USH2A: variants seen among roughly 807,000 people sequenced by gnomAD.
USH2A encodes the protein Usher syndrome 2A (autosomal recessive, mild).
In USH2A, 443 loss-of-function variants were observed where a neutral mutation model predicts 538.9. The observed-to-expected ratio is 0.82, with a 90% CI of 0.76 to 0.89. USH2A has a LOEUF of 0.89. Among genes scored for constraint, USH2A ranks in the 40% least tolerant of loss-of-function variants. USH2A has a pLI of 0.00. For missense variants in USH2A, 6,633 were observed against 6,324.8 expected, an observed-to-expected ratio of 1.05 and a Z score of -1.65; for synonymous variants, 2,413 against 2,273.5, an observed-to-expected ratio of 1.06 and a Z score of -1.75.
At chr1:216,023,479 A>AAAAAAAAAAAAAAAAAAAAAAAAAAAAAC (rs1668891922) in intron 32 of USH2A, among the ~76,000 whole-genome samples, 1 of 148,210 alleles carries the variant, frequency 6.7e-6, no homozygotes, top group Non-Finnish European at 1.5e-5. Context: ...AAAAAAAAAA[A>AAAAAAAAAAAAAAAAAAAAAAAAAAAAAC]AAATCAAAAA....
intron 22 of USH2A, among the ~76,000 whole-genome samples, chr1:216,092,627 T>C (rs2102568578): frequency 6.6e-6 from 1 of 152,326 alleles, no homozygotes; most frequent in East Asian, 1.9e-4. Context: ...TGAGTGGGGC[T>C]TTCATTATAA....
intron 30 of USH2A, among the ~76,000 whole-genome samples, chr1:216,067,416 TAAAA>T (rs1184616284): frequency 7.5e-6 from 1 of 132,920 alleles, no homozygotes; most frequent in Non-Finnish European, 1.6e-5. Context: ...AAAGTATAAT[TAAAA>T]AAAAAAGAAA....
chr1:215,770,994 G>T (rs920975735), intron 55 of USH2A, among the ~76,000 whole-genome samples: 8 of 150,730 alleles, frequency 5.3e-5, no homozygotes, highest in Non-Finnish European at 1.0e-4. Flanking sequence ...AGGCGTGGTG[G>T]TGCATGCCTG....
chr1:216,135,179 T>TACAC (rs71161405), intron 21 of USH2A, among the ~76,000 whole-genome samples: 32 of 135,428 alleles, frequency 2.4e-4, no homozygotes, highest in Non-Finnish European at 2.0e-4. Context: ...CACACACACA[T>TACAC]ACACACACAC....
intron 21 of USH2A, among the ~76,000 whole-genome samples, chr1:216,161,626 C>T (rs1389692907): frequency 6.6e-6 from 1 of 152,006 alleles, no homozygotes; most frequent in Non-Finnish European, 1.5e-5. Context: ...GCACTCTTTC[C>T]TGCAGCTCTG....
intron 15 of USH2A, among the ~76,000 whole-genome samples, chr1:216,215,001 T>C (rs2035315668): frequency 6.6e-6 from 1 of 152,050 alleles, no homozygotes; most frequent in South Asian, 2.1e-4. Flanking sequence ...AGAATGACTA[T>C]CATTTTGAAA....
chr1:215,862,934 T>G (rs1664358027), intron 44 of USH2A, among the ~76,000 whole-genome samples: 1 of 152,172 alleles, frequency 6.6e-6, no homozygotes, highest in African/African-American at 2.4e-5. Flanking sequence ...CATACAATGT[T>G]GGCGGTTGTC....
chr1:216,218,320 C>T (rs2035385473), intron 14 of USH2A, among the ~76,000 whole-genome samples: 1 of 152,034 alleles, frequency 6.6e-6, no homozygotes, highest in Non-Finnish European at 1.5e-5. Context: ...CTTGTTTCTT[C>T]ACAGTGAATT....
intron 32 of USH2A, among the ~76,000 whole-genome samples, chr1:216,004,966 T>A (rs993644304): frequency 2.6e-5 from 4 of 152,154 alleles, no homozygotes; most frequent in African/African-American, 7.2e-5. Flanking sequence ...ACTACTTCAA[T>A]TTTCCCAATG....
At position 216,125,096 on chromosome 1, in the gene USH2A, G is replaced by A. The variant is rs534993011; in HGVS notation, c.4628-27883C>T. ...TATATAGAACTAACAATTTTTATAC[G>A]GTCTTGAATGAGAATTACATTTTTA... On this transcript the variant is annotated intron_variant, in intron 21 of 71. Coordinates refer to ENST00000307340, the MANE Select transcript of USH2A (RefSeq NM_206933.4). Among the ~76,000 whole-genome samples the A allele has an allele frequency of 2.6e-5, 4 of 151,982 alleles. 1 individual carries two copies. The South Asian group carries it at 6.2e-4, about 24-fold the overall frequency.
chr1:215,779,782 GC>G lies in USH2A; in HGVS notation c.10939+60del, dbSNP rs945638218. 15 of 1,591,942 alleles carry G rather than the reference GC, an allele frequency of 9.4e-6. No homozygotes were observed. In the African/African-American group the frequency reaches 1.2e-4, roughly 13 times the overall value. ...CAAACACACACCCCTGGGATGCTTTGCCCCCCTAACCACAATGACAGACTCC... is the reference window on the plus strand; with the variant it reads ...CAAACACACACCCCTGGGATGCTTTGCCCCCTAACCACAATGACAGACTCC... On this transcript the variant is annotated intron_variant, in intron 55 of 71. Coordinates refer to ENST00000307340, the MANE Select transcript of USH2A (RefSeq NM_206933.4).
chr1:216,158,282 C>T (rs2033988962), intron 21 of USH2A, among the ~76,000 whole-genome samples: 1 of 152,084 alleles, frequency 6.6e-6, no homozygotes, highest in South Asian at 2.1e-4. Context: ...GTCACCCAGG[C>T]TGGAGTGCAG....
intron 32 of USH2A, among the ~76,000 whole-genome samples, chr1:216,019,142 A>G (rs1668786379): frequency 6.6e-6 from 1 of 152,256 alleles, no homozygotes; most frequent in Non-Finnish European, 1.5e-5. Flanking sequence ...AAGAATATAC[A>G]ATACTTCAAA....
intron 61 of USH2A, among the ~76,000 whole-genome samples, chr1:215,714,097 T>C (rs574610792): frequency 1.3e-5 from 2 of 152,328 alleles, no homozygotes; most frequent in South Asian, 2.1e-4. Flanking sequence ...TAAATTGAAA[T>C]TGGAACATAT....
intron 15 of USH2A, among the ~76,000 whole-genome samples, chr1:216,210,491 A>C (rs1302195961): frequency 6.6e-6 from 1 of 152,116 alleles, no homozygotes; most frequent in Non-Finnish European, 1.5e-5. Context: ...GAAGGGCTGA[A>C]GCAGCTCAGG....
chr1:216,392,491 CAAA>C (rs55951311), intron 3 of USH2A, among the ~76,000 whole-genome samples: 18 of 49,474 alleles, frequency 3.6e-4, no homozygotes, highest in South Asian at 8.5e-4. Flanking sequence ...GACTCCGTCT[CAAA>C]AAAAAAAAAA....
At chr1:215,677,726 T>C (rs1179934552) in intron 62 of USH2A, among the ~76,000 whole-genome samples, 1 of 152,204 alleles carries the variant, frequency 6.6e-6, no homozygotes, top group African/African-American at 2.4e-5. Flanking sequence ...TCTTTCCTCC[T>C]CTTGACCCCC....
intron 11 of USH2A, among the ~76,000 whole-genome samples, chr1:216,286,532 G>A (rs2036888649): frequency 1.3e-5 from 2 of 151,984 alleles, no homozygotes; most frequent in Admixed American, 1.3e-4. Flanking sequence ...AGCCAACATG[G>A]TGAAACTCTG....
At chr1:216,104,271 G>C (rs1045082785) in intron 21 of USH2A, among the ~76,000 whole-genome samples, 3 of 148,988 alleles carry the variant, frequency 2.0e-5, no homozygotes, top group African/African-American at 7.5e-5. Context: ...CTGTGTCCAT[G>C]TGTTCTCATT....
Sources: allele counts gnomAD v4.1 joint callset (sites outside exome capture counted in the v4.1 genomes callset), GRCh38; gene constraint gnomAD v4.1.1; transcripts MANE v1.5; gene names NCBI Gene and HGNC (gene_info 2026-07-23, HGNC 2026-07-21).